Variants in ZNF385D observed in about 807,000 individuals in gnomAD.
ZNF385D encodes zinc finger protein 385D, also known as zinc finger protein 659.
In ZNF385D, 15 loss-of-function variants were observed where a neutral mutation model predicts 35.8. The observed-to-expected ratio is 0.42, with a 90% confidence interval of 0.28 to 0.64. The LOEUF is 0.64. Ranked by LOEUF, ZNF385D falls within the 30% of genes least tolerant of loss-of-function variation. The pLI, the probability that ZNF385D is intolerant of heterozygous loss-of-function variation, is 0.23. For synonymous variants in ZNF385D, 212 were observed against 186.8 expected (o/e 1.13, Z -1.10); for missense variants, 474 against 494.6 (o/e 0.96, Z 0.39).
At chr3:21,630,144 G>A (rs2065240792) in intron 2 of ZNF385D, among the ~76,000 whole-genome samples, 1 of 151,230 alleles carries the variant, frequency 6.6e-6, no homozygotes, top group Admixed American at 6.6e-5. Flanking sequence ...ATTTAGCTAA[G>A]AAATGGTAGA....
chr3:22,297,783 A>G (rs1366494912), intron 2 of ZNF385D, among the ~76,000 whole-genome samples: 1 of 152,054 alleles, frequency 6.6e-6, no homozygotes, highest in Non-Finnish European at 1.5e-5. Context: ...TAACATAAAA[A>G]CCTTTAAAAT....
At chr3:22,035,211 A>C (rs1373702621) in intron 3 of ZNF385D, among the ~76,000 whole-genome samples, 1 of 152,214 alleles carries the variant, frequency 6.6e-6, no homozygotes, top group Non-Finnish European at 1.5e-5. Context: ...AACTGGGTTC[A>C]ATACAACTGG....
At chr3:21,806,116 G>A (rs946457739) in intron 3 of ZNF385D, among the ~76,000 whole-genome samples, 3 of 151,862 alleles carry the variant, frequency 2.0e-5, no homozygotes, top group Admixed American at 6.6e-5. Flanking sequence ...CTCAAGTGGT[G>A]CTTGCCTGCC....
chr3:21,479,196 G>A (rs13322931), intron 4 of ZNF385D, among the ~76,000 whole-genome samples: 7,067 of 150,606 alleles, frequency 0.047, 544 homozygotes, highest in African/African-American at 0.16. Flanking sequence ...AGAGCTCTAA[G>A]TTAATTTGGT....
In ZNF385D at chr3:21,798,423, A is replaced by T. The variant is rs76767455; in HGVS notation, c.326-133395T>A. 5.3e-5 allele frequency among the ~76,000 whole-genome samples: 8 copies of T among 152,174 alleles called. No individual in the cohort carries two copies. The East Asian group carries it at 1.6e-3, about 30-fold the overall frequency. ...TTTGTATCTCTAGACGCGGGACCAC[A>T]CTCAACTCCTAGAGACATCCTTGGG... On this transcript the variant is annotated intron_variant, in intron 3 of 5. Coordinates refer to the ZNF385D transcript ENST00000494108.
intron 2 of ZNF385D, among the ~76,000 whole-genome samples, chr3:22,273,522 C>CT (rs1423788717): frequency 2.0e-5 from 3 of 151,712 alleles, no homozygotes; most frequent in African/African-American, 7.3e-5. Flanking sequence ...AAAACTAGCC[C>CT]TCATAACAAA....
intron 3 of ZNF385D, among the ~76,000 whole-genome samples, chr3:21,982,690 T>C (rs1291366606): frequency 6.6e-6 from 1 of 152,200 alleles, no homozygotes; most frequent in African/African-American, 2.4e-5. Context: ...TGCTAGCTTT[T>C]GCCTATTCAG....
intron 3 of ZNF385D, among the ~76,000 whole-genome samples, chr3:21,519,138 G>C (rs971604531): frequency 6.6e-6 from 1 of 152,094 alleles, no homozygotes; most frequent in Non-Finnish European, 1.5e-5. Context: ...GGGGGGGAAA[G>C]ATAATACCAC....
chr3:21,650,630 CAT>C (rs1294000450), intron 2 of ZNF385D, among the ~76,000 whole-genome samples: 1 of 152,052 alleles, frequency 6.6e-6, no homozygotes, highest in Non-Finnish European at 1.5e-5. Context: ...TTTAAAATAA[CAT>C]ATATAATGTA....
intron 2 of ZNF385D, among the ~76,000 whole-genome samples, chr3:22,372,160 A>G (rs1043261361): frequency 1.3e-5 from 2 of 151,916 alleles, no homozygotes; most frequent in Admixed American, 6.6e-5. Flanking sequence ...GTTCTCGGCA[A>G]TGAGCTGTGA....
intron 2 of ZNF385D, among the ~76,000 whole-genome samples, chr3:22,350,581 T>A (rs1396117677): frequency 6.6e-6 from 1 of 152,128 alleles, no homozygotes; most frequent in African/African-American, 2.4e-5. Context: ...TGAAGACACC[T>A]TATGTACAAA....
At chr3:22,265,666 G>A (rs985781746) in intron 2 of ZNF385D, among the ~76,000 whole-genome samples, 3 of 151,904 alleles carry the variant, frequency 2.0e-5, no homozygotes, top group Admixed American at 1.3e-4. Context: ...ATAGAATTTT[G>A]GATATGAGAG....
chr3:22,096,941 T>C (rs1460222693), intron 3 of ZNF385D, among the ~76,000 whole-genome samples: 9 of 152,086 alleles, frequency 5.9e-5, no homozygotes, highest in Admixed American at 5.9e-4. Flanking sequence ...GCCCAAATCT[T>C]CATACATTAG....
chr3:22,039,274 G>A (rs76718176), intron 3 of ZNF385D, among the ~76,000 whole-genome samples: 65 of 95,382 alleles, frequency 6.8e-4, no homozygotes, highest in East Asian at 1.3e-3. Context: ...AAAAAAAAAA[G>A]AGTCTATGTA....
At position 21,751,001 on chromosome 3, in the gene ZNF385D, C is replaced by A; in HGVS notation, c.-85G>T. On this transcript the variant is annotated 5_prime_UTR_variant, in exon 1 of 8. An upstream open reading frame in the 5' UTR loses its in-frame stop. Transcript: ENST00000281523. The stretch of plus-strand genomic sequence containing the variant: ...GCACGTAGAGCAGAGCCCTTTCATG[C>A]TACATTCGGTGGAAATGTCCCCGGC... 1 of 1,610,414 alleles carries A rather than the reference C, an allele frequency of 6.2e-7. No homozygotes were observed. Among genetic ancestry groups the A allele is most frequent in the Non-Finnish European group, 8.5e-7 (1 of 1,178,506 alleles).
intron 3 of ZNF385D, among the ~76,000 whole-genome samples, chr3:22,122,141 C>T (rs1006381480): frequency 2.9e-4 from 44 of 152,082 alleles, no homozygotes; most frequent in Admixed American, 3.3e-4. Context: ...CTTCCTTCCC[C>T]CTCAAAATCA....
intron 3 of ZNF385D, among the ~76,000 whole-genome samples, chr3:22,094,385 G>GAGT (rs1491256865): frequency 1.4e-5 from 1 of 70,828 alleles, no homozygotes; most frequent in African/African-American, 4.3e-5. Context: ...ATTTATTGTT[G>GAGT]ATATATATAT....
intron 1 of ZNF385D, among the ~76,000 whole-genome samples, chr3:21,696,738 C>A (rs533759461): frequency 1.3e-5 from 2 of 152,302 alleles, no homozygotes; most frequent in East Asian, 3.9e-4. Flanking sequence ...TGAAACTTAG[C>A]TTCTACAAAA....
At chr3:22,082,936 G>C (rs764836759) in intron 3 of ZNF385D, among the ~76,000 whole-genome samples, 2 of 152,160 alleles carry the variant, frequency 1.3e-5, no homozygotes, top group Non-Finnish European at 2.9e-5. Context: ...AGGCAAACAG[G>C]GTCTGGGGTG....
Sources: allele counts gnomAD v4.1 joint callset (sites outside exome capture counted in the v4.1 genomes callset), GRCh38; gene constraint gnomAD v4.1.1; transcripts MANE v1.5; gene names NCBI Gene and HGNC (gene_info 2026-07-23, HGNC 2026-07-21).